The following C3orf52 variants were observed in gnomAD, a reference collection of about 807,000 sequenced individuals.
C3orf52 encodes the protein TPA-induced transmembrane protein.
C3orf52 carries 22 observed loss-of-function variants against 24.8 expected under a neutral mutation model. The observed-to-expected ratio is 0.89, with a 90% CI of 0.63 to 1.27. The LOEUF (loss-of-function observed/expected upper bound fraction) is 1.27. Ranked by LOEUF, C3orf52 falls within the 50% of genes most tolerant of loss-of-function variation. C3orf52 has a pLI of 0.00. For missense variants in C3orf52, 265 were observed against 260.7 expected, an observed-to-expected ratio of 1.02 and a Z score of -0.11; for synonymous variants, 93 against 100.2, an observed-to-expected ratio of 0.93 and a Z score of 0.43.
intron 4 of C3orf52, chr3:112,128,180 A>G (rs1183126498): frequency 3.7e-6 from 3 of 820,208 alleles, no homozygotes; most frequent in African/African-American, 1.7e-5. Flanking sequence ...AGCGTGTTTC[A>G]TTCTAGATAA....
intron 4 of C3orf52, among the ~76,000 whole-genome samples, chr3:112,126,249 G>A (rs1348014853): frequency 6.6e-6 from 1 of 152,136 alleles, no homozygotes; most frequent in Admixed American, 6.5e-5. Context: ...ATCTTGCAGG[G>A]CTAGATTTTA....
downstream of C3orf52, chr3:112,130,148 A>G (rs929574191): frequency 5.7e-6 from 2 of 353,014 alleles, no homozygotes; most frequent in Non-Finnish European, 1.1e-5. Flanking sequence ...CCTGAGATAG[A>G]CAAACAAAAT....
At chr3:112,098,992 A>G (rs1418225421) in intron 2 of C3orf52, among the ~76,000 whole-genome samples, 1 of 152,144 alleles carries the variant, frequency 6.6e-6, no homozygotes, top group Non-Finnish European at 1.5e-5. Flanking sequence ...TCATGGGGGT[A>G]GATTTCCCCT....
At chr3:112,096,430 A>G (rs1246138907) in intron 2 of C3orf52, among the ~76,000 whole-genome samples, 2 of 152,200 alleles carry the variant, frequency 1.3e-5, no homozygotes, top group East Asian at 3.9e-4. Context: ...GCATAAGGGC[A>G]AGATTTATGG....
Position 112,109,609 on chromosome 3 carries a change from T to C in C3orf52, c.463T>C (p.Phe155Leu). Reference sequence around the variant, plus strand: ...TTTTACTTCAGTTGAAATAGTGGACTTCAGGTAAGAGTGTGGAACATTACA... The same window carrying C: ...TTTTACTTCAGTTGAAATAGTGGACCTCAGGTAAGAGTGTGGAACATTACA... The part of the protein sequence containing the change: ...RYFTSVEIVD[F>L]SGENATVTYD... Residue 155 changes from phenylalanine (F) to leucine (L), a missense_variant, in exon 4 of 6, where the codon TTC becomes CTC. Phe to Leu is a conservative substitution (Grantham distance 22). Coordinates refer to ENST00000264848, the MANE Select transcript of C3orf52 (RefSeq NM_024616.3). The C allele has an allele frequency of 6.3e-7, 1 of 1,580,306 alleles. No individual in the cohort carries two copies. The highest frequency in any genetic ancestry group is 8.7e-7 in the Non-Finnish European group (1 of 1,150,316).
intron 5 of C3orf52, among the ~76,000 whole-genome samples, chr3:112,115,714 T>C (rs1404281674): frequency 6.6e-6 from 1 of 152,220 alleles, no homozygotes; most frequent in Admixed American, 6.5e-5. Context: ...AGAAGCAGAA[T>C]CCAAAATTAG....
intron 4 of C3orf52, among the ~76,000 whole-genome samples, chr3:112,111,117 G>A (rs1323116331): frequency 1.3e-5 from 2 of 152,228 alleles, no homozygotes; most frequent in Non-Finnish European, 2.9e-5. Flanking sequence ...GCTGAAGCGG[G>A]AGAATTGTGT....
At chr3:112,132,202 G>A (rs2074471991), downstream of C3orf52, among the ~76,000 whole-genome samples, 1 of 152,174 alleles carries the variant, frequency 6.6e-6, no homozygotes, top group African/African-American at 2.4e-5. Flanking sequence ...GAAGGGACAT[G>A]AGATATTCCA....
intron 5 of C3orf52, among the ~76,000 whole-genome samples, chr3:112,113,533 T>C (rs1394669806): frequency 6.6e-6 from 1 of 152,178 alleles, no homozygotes; most frequent in Admixed American, 6.5e-5. Flanking sequence ...AATTGAAGAA[T>C]TGGAAATAAA....
At chr3:112,091,671 A>G (rs888690276) in intron 1 of C3orf52, among the ~76,000 whole-genome samples, 19 of 152,242 alleles carry the variant, frequency 1.2e-4, no homozygotes, top group African/African-American at 4.6e-4. Flanking sequence ...CCAAGTGTGG[A>G]CTGACCGATT....
At chr3:112,103,077 T>A in intron 3 of C3orf52, 112 bp downstream of exon 3, 2 of 950,270 alleles carry the variant, frequency 2.1e-6, no homozygotes, top group Non-Finnish European at 3.2e-6. Flanking sequence ...GGATTCTTTG[T>A]CTGGATTTTA....
intron 3 of C3orf52, among the ~76,000 whole-genome samples, chr3:112,103,908 G>C (rs1220736736): frequency 1.3e-5 from 2 of 152,154 alleles, no homozygotes; most frequent in Admixed American, 1.3e-4. Flanking sequence ...CTTCAATAAG[G>C]CACCAAAATA....
intron 2 of C3orf52, among the ~76,000 whole-genome samples, chr3:112,095,087 A>C (rs9814494): frequency 0.052 from 7,980 of 152,250 alleles, 299 homozygotes; most frequent in African/African-American, 0.11. Flanking sequence ...GACATCAGCC[A>C]ACCTCCAGCA....
chr3:112,103,558 C>A (rs2073996981), intron 3 of C3orf52, among the ~76,000 whole-genome samples: 1 of 152,088 alleles, frequency 6.6e-6, no homozygotes. Context: ...AGTGCCAGGG[C>A]CACATTGTCT....
chr3:112,086,683 G>A, intron 1 of C3orf52, 138 bp downstream of exon 1: 1 of 1,118,696 alleles, frequency 8.9e-7, no homozygotes, highest in Non-Finnish European at 1.3e-6. Context: ...GCGCTCGAGT[G>A]CTCTGAATGG....
At chr3:112,120,630 G>A (rs958007559), downstream of C3orf52, among the ~76,000 whole-genome samples, 4 of 152,110 alleles carry the variant, frequency 2.6e-5, no homozygotes, top group East Asian at 1.9e-4. Flanking sequence ...TTTGTGGCTC[G>A]AGAGAGTAAT....
At chr3:112,109,286 T>C (rs1371553229) in intron 3 of C3orf52, among the ~76,000 whole-genome samples, 3 of 152,218 alleles carry the variant, frequency 2.0e-5, no homozygotes, top group African/African-American at 7.2e-5. Flanking sequence ...TTCTCACCAC[T>C]AAGGCCACAG....
Position 112,106,697 on chromosome 3 carries a change from T to A in C3orf52, c.397-2846T>A, listed in dbSNP as rs2074029030. Among the ~76,000 whole-genome samples, 4 of 152,170 alleles carry A rather than the reference T, an allele frequency of 2.6e-5. 1 individual carries two copies. The South Asian group carries it at 8.3e-4, about 32-fold the overall frequency. On this transcript the variant is annotated intron_variant, in intron 3 of 5. Coordinates refer to ENST00000264848, the MANE Select transcript of C3orf52 (RefSeq NM_024616.3). ...GTTATTATATCACAGTATTGGAACT[T>A]TATGCCCTTTCCCTTGACTTTTCTA...
chr3:112,133,251 A>C, downstream of C3orf52: 1 of 911,218 alleles, frequency 1.1e-6, no homozygotes, highest in South Asian at 1.5e-5. Context: ...GACAGCAGAA[A>C]GGAGAAGGGT....
Sources: allele counts gnomAD v4.1 joint callset (sites outside exome capture counted in the v4.1 genomes callset), GRCh38; gene constraint gnomAD v4.1.1; transcripts MANE v1.5; gene names NCBI Gene and HGNC (gene_info 2026-07-23, HGNC 2026-07-21).